Variants in RPS6KC1 observed in about 807,000 individuals in gnomAD.
The protein encoded by RPS6KC1 is inactive ribosomal protein S6 kinase delta-1.
In RPS6KC1, 54 loss-of-function variants were observed where a neutral mutation model predicts 103.8. The observed-to-expected ratio is 0.52, with a 90% confidence interval of 0.42 to 0.65. The LOEUF (loss-of-function observed/expected upper bound fraction) is 0.65, where lower values mean the gene tolerates loss of function less well. Ranked by LOEUF, RPS6KC1 falls within the 30% of genes least tolerant of loss-of-function variation. RPS6KC1 has a pLI of 0.00. For synonymous variants in RPS6KC1, 439 were observed against 438.7 expected (o/e 1.00, Z -0.01); for missense variants, 1,151 against 1,253.8 (o/e 0.92, Z 1.24).
chr1:213,723,814 A>G, the RPS6KC1 span, among the ~76,000 whole-genome samples: 1 of 152,132 alleles, frequency 6.6e-6, no homozygotes, highest in Non-Finnish European at 1.5e-5. Context: ...ACAAATCCAC[A>G]TCTCTGTGGA....
At chr1:213,450,773 C>T in the RPS6KC1 span, among the ~76,000 whole-genome samples, 57 of 152,206 alleles carry the variant, frequency 3.7e-4, no homozygotes, top group African/African-American at 1.1e-3. Flanking sequence ...GTCAGGAGTT[C>T]GAGACCAGCC....
the RPS6KC1 span, among the ~76,000 whole-genome samples, chr1:213,756,130 T>A: frequency 6.6e-6 from 1 of 152,228 alleles, no homozygotes; most frequent in African/African-American, 2.4e-5. Flanking sequence ...AAATCTTACC[T>A]GTGAGCTTGA....
chr1:213,102,035 T>C (rs1448069192), intron 3 of RPS6KC1, among the ~76,000 whole-genome samples: 1 of 152,178 alleles, frequency 6.6e-6, no homozygotes, highest in Admixed American at 6.5e-5. Context: ...GATTTGGTAT[T>C]GTTATTGGGA....
intron 3 of RPS6KC1, among the ~76,000 whole-genome samples, chr1:213,094,494 C>A (rs193260891): frequency 6.6e-6 from 1 of 151,650 alleles, no homozygotes; most frequent in Non-Finnish European, 1.5e-5. Context: ...TTTTAAAGAA[C>A]GTAGAACAGT....
the RPS6KC1 span, among the ~76,000 whole-genome samples, chr1:213,603,467 A>C: frequency 6.6e-6 from 1 of 152,128 alleles, no homozygotes; most frequent in African/African-American, 2.4e-5. Flanking sequence ...CTGGTCTTTT[A>C]TTTTTTATCC....
the RPS6KC1 span, among the ~76,000 whole-genome samples, chr1:213,351,503 A>G: frequency 6.6e-6 from 1 of 152,332 alleles, no homozygotes; most frequent in South Asian, 2.1e-4. Flanking sequence ...ACTGGCTAAA[A>G]ATATAGACAG....
chr1:213,081,796 G>A (rs2079918607), intron 3 of RPS6KC1, among the ~76,000 whole-genome samples: 1 of 151,980 alleles, frequency 6.6e-6, no homozygotes, highest in African/African-American at 2.4e-5. Flanking sequence ...TAGTAAGCAT[G>A]AAGCCTGCCA....
the RPS6KC1 span, among the ~76,000 whole-genome samples, chr1:213,831,139 C>T: frequency 6.6e-6 from 1 of 152,204 alleles, no homozygotes; most frequent in Non-Finnish European, 1.5e-5. Context: ...TCCCTTCGTT[C>T]TCTCTGGTGG....
chr1:213,719,307 G>A, the RPS6KC1 span, among the ~76,000 whole-genome samples: 1 of 152,092 alleles, frequency 6.6e-6, no homozygotes, highest in South Asian at 2.1e-4. Context: ...GTGAGGAACC[G>A]GAGTACAAGG....
the RPS6KC1 span, among the ~76,000 whole-genome samples, chr1:213,678,422 C>T: frequency 6.6e-6 from 1 of 152,170 alleles, no homozygotes; most frequent in Non-Finnish European, 1.5e-5. Flanking sequence ...TGGGCTGAAA[C>T]TCTGAGCCTG....
the RPS6KC1 span, among the ~76,000 whole-genome samples, chr1:213,761,144 A>T: frequency 1.3e-5 from 2 of 152,032 alleles, no homozygotes; most frequent in Non-Finnish European, 2.9e-5. Flanking sequence ...TTCCCTTCTC[A>T]TCAAGCAAAA....
At chr1:213,197,192 A>G (rs925262730) in intron 8 of RPS6KC1, among the ~76,000 whole-genome samples, 1 of 152,142 alleles carries the variant, frequency 6.6e-6, no homozygotes, top group Non-Finnish European at 1.5e-5. Context: ...ATAGCCTTGT[A>G]GTACAGTTTG....
the RPS6KC1 span, among the ~76,000 whole-genome samples, chr1:213,627,058 G>A: frequency 2.6e-5 from 4 of 152,154 alleles, no homozygotes; most frequent in South Asian, 2.1e-4. Context: ...CTACCCATGA[G>A]CATGGAATGT....
chr1:213,259,734 ATTT>A (rs71147063), intron 12 of RPS6KC1, among the ~76,000 whole-genome samples: 1 of 97,918 alleles, frequency 1.0e-5, no homozygotes, highest in African/African-American at 3.8e-5. Context: ...TGTTTTTTTA[ATTT>A]TTTTTTTTTT....
chr1:213,694,656 T>G, the RPS6KC1 span, among the ~76,000 whole-genome samples: 4 of 152,186 alleles, frequency 2.6e-5, no homozygotes, highest in Non-Finnish European at 4.4e-5. Flanking sequence ...CCGGTGCAAA[T>G]TCTATATCAT....
the RPS6KC1 span, among the ~76,000 whole-genome samples, chr1:213,755,599 T>A: frequency 6.6e-6 from 1 of 151,640 alleles, no homozygotes; most frequent in African/African-American, 2.4e-5. Context: ...GCAGCTGGAG[T>A]GGGAAAAGGG....
intron 7 of RPS6KC1, among the ~76,000 whole-genome samples, chr1:213,168,732 C>T (rs2091216783): frequency 6.6e-6 from 1 of 152,168 alleles, no homozygotes; most frequent in South Asian, 2.1e-4. Context: ...ACGCCATTCT[C>T]CTGCCTCAGC....
chr1:213,318,064 G>C, the RPS6KC1 span, among the ~76,000 whole-genome samples: 1 of 152,258 alleles, frequency 6.6e-6, no homozygotes, highest in South Asian at 2.1e-4. Flanking sequence ...TTCGCTTGGA[G>C]AGGGATGTGC....
At chr1:213,173,585 A>G (rs1239009775) in intron 7 of RPS6KC1, among the ~76,000 whole-genome samples, 1 of 152,252 alleles carries the variant, frequency 6.6e-6, no homozygotes, top group Non-Finnish European at 1.5e-5. Context: ...TACAGTATAG[A>G]ATAACTTTTT....
Sources: gnomAD v4.1 joint callset for allele counts (sites outside exome capture counted in the v4.1 genomes callset) on GRCh38, gnomAD v4.1.1 for gene constraint, MANE v1.5 for transcripts, NCBI Gene and HGNC (gene_info 2026-07-23, HGNC 2026-07-21) for gene names.